The following GALNT13 variants were observed in gnomAD, a reference collection of about 807,000 sequenced individuals.
GALNT13 encodes UDP-GalNAc:polypeptide N-acetylgalactosaminyltransferase 13.
In GALNT13, 28 loss-of-function variants were observed where a neutral mutation model predicts 64.2. The observed-to-expected ratio is 0.44, with a 90% CI of 0.32 to 0.60. GALNT13 has a LOEUF of 0.60. Ranked by LOEUF, GALNT13 falls within the 20% of genes least tolerant of loss-of-function variation. The pLI is 0.05. For missense variants in GALNT13, 577 were observed against 669.8 expected, an observed-to-expected ratio of 0.86 and a Z score of 1.53; for synonymous variants, 214 against 224.6, an observed-to-expected ratio of 0.95 and a Z score of 0.42.
intron 9 of GALNT13, among the ~76,000 whole-genome samples, chr2:154,367,539 A>C (rs182709078): frequency 1.3e-5 from 2 of 152,130 alleles, no homozygotes; most frequent in Non-Finnish European, 2.9e-5. Context: ...TTGTTTTTTT[A>C]ATATTATGTA....
chr2:153,095,746 A>T, the GALNT13 span, among the ~76,000 whole-genome samples: 2 of 152,290 alleles, frequency 1.3e-5, no homozygotes, highest in Admixed American at 1.3e-4. Context: ...AGGGACCTGG[A>T]TGAAGCTGGA....
At chr2:154,110,336 TAGAGAG>T (rs1190684961) in intron 3 of GALNT13, among the ~76,000 whole-genome samples, 53 of 9,908 alleles carry the variant, frequency 5.3e-3, no homozygotes, top group African/African-American at 6.2e-3. Context: ...TATATATATA[TAGAGAG>T]AGAGAGAGAG....
At chr2:153,665,765 TTCTGCATGGAAC>T in the GALNT13 span, among the ~76,000 whole-genome samples, 1 of 152,084 alleles carries the variant, frequency 6.6e-6, no homozygotes, top group Non-Finnish European at 1.5e-5. Flanking sequence ...AGTGGCCTAC[TTCTGCATGGAAC>T]TCTGGAATCC....
chr2:154,225,105 T>TAGAC (rs758297747), intron 4 of GALNT13, among the ~76,000 whole-genome samples: 1 of 84,038 alleles, frequency 1.2e-5, no homozygotes, highest in African/African-American at 4.8e-5. Context: ...CATGGAGAGA[T>TAGAC]AGATAGATAG....
chr2:153,631,142 A>T, the GALNT13 span, among the ~76,000 whole-genome samples: 1 of 151,950 alleles, frequency 6.6e-6, no homozygotes, highest in Non-Finnish European at 1.5e-5. Flanking sequence ...ACATGAACTC[A>T]TCATTTTTTA....
chr2:153,531,927 G>A, the GALNT13 span, among the ~76,000 whole-genome samples: 9 of 152,104 alleles, frequency 5.9e-5, no homozygotes, highest in Non-Finnish European at 1.3e-4. Context: ...GTGGGCTCAC[G>A]AGGCCTTCAG....
At chr2:153,529,687 T>C in the GALNT13 span, among the ~76,000 whole-genome samples, 84 of 151,936 alleles carry the variant, frequency 5.5e-4, no homozygotes, top group East Asian at 0.015. Flanking sequence ...TTCAACGGTA[T>C]GTGGAAAACA....
intron 3 of GALNT13, among the ~76,000 whole-genome samples, chr2:154,089,640 G>C (rs991099332): frequency 3.9e-5 from 6 of 151,964 alleles, no homozygotes; most frequent in East Asian, 1.9e-4. Context: ...ATTGTTCTTG[G>C]CTGCACCCAT....
chr2:153,998,897 C>A (rs1182393335), intron 3 of GALNT13, among the ~76,000 whole-genome samples: 1 of 151,628 alleles, frequency 6.6e-6, no homozygotes, highest in Non-Finnish European at 1.5e-5. Context: ...AAATAGGGAA[C>A]CCTTAACACA....
intron 9 of GALNT13, among the ~76,000 whole-genome samples, chr2:154,344,532 A>G (rs1228371934): frequency 6.6e-6 from 1 of 152,072 alleles, no homozygotes; most frequent in African/African-American, 2.4e-5. Context: ...AATCTTTGCA[A>G]AAGACCCTGT....
the GALNT13 span, among the ~76,000 whole-genome samples, chr2:153,595,133 T>C: frequency 6.6e-6 from 1 of 152,074 alleles, no homozygotes; most frequent in African/African-American, 2.4e-5. Context: ...AAATGTACTT[T>C]TTTTGTAGTA....
At chr2:153,742,355 G>GTA in the GALNT13 span, among the ~76,000 whole-genome samples, 221 of 151,936 alleles carry the variant, frequency 1.5e-3, no homozygotes, top group Admixed American at 3.3e-3. Flanking sequence ...ACTTCATTGT[G>GTA]TATATATATA....
At chr2:153,535,909 A>C in the GALNT13 span, among the ~76,000 whole-genome samples, 3,555 of 152,216 alleles carry the variant, frequency 0.023, 137 homozygotes, top group African/African-American at 0.082. Context: ...ACAGAAGGGA[A>C]GAAATGACTG....
chr2:154,027,650 T>C (rs1698066218), intron 3 of GALNT13, among the ~76,000 whole-genome samples: 1 of 152,104 alleles, frequency 6.6e-6, no homozygotes, highest in Non-Finnish European at 1.5e-5. Flanking sequence ...AAAAGTTATT[T>C]TCAGAAGGAA....
At chr2:153,825,618 G>GTGTA in the GALNT13 span, among the ~76,000 whole-genome samples, 1 of 149,790 alleles carries the variant, frequency 6.7e-6, no homozygotes, top group Non-Finnish European at 1.5e-5. Flanking sequence ...CTGTGTGTGT[G>GTGTA]TGTGTGTGTG....
At chr2:154,307,560 A>C (rs916955559) in intron 9 of GALNT13, among the ~76,000 whole-genome samples, 1 of 152,122 alleles carries the variant, frequency 6.6e-6, no homozygotes, top group Admixed American at 6.6e-5. Context: ...TTCTAAATAG[A>C]TGTGTAAATA....
chr2:153,497,156 A>C, the GALNT13 span, among the ~76,000 whole-genome samples: 2 of 152,170 alleles, frequency 1.3e-5, no homozygotes, highest in South Asian at 2.1e-4. Flanking sequence ...TAATAGCCAA[A>C]ATTTTTTTCA....
At chr2:153,868,355 G>C (rs1558823705), upstream of GALNT13, among the ~76,000 whole-genome samples, 1 of 152,032 alleles carries the variant, frequency 6.6e-6, no homozygotes. Context: ...GTTCTTATAG[G>C]GCATGTTAGA....
chr2:153,401,154 T>A, the GALNT13 span, among the ~76,000 whole-genome samples: 1 of 152,194 alleles, frequency 6.6e-6, no homozygotes, highest in Non-Finnish European at 1.5e-5. Flanking sequence ...TCAAAGAATA[T>A]CTTTATTTCT....
Sources: allele counts gnomAD v4.1 joint callset (sites outside exome capture counted in the v4.1 genomes callset), GRCh38; gene constraint gnomAD v4.1.1; transcripts MANE v1.5; gene names NCBI Gene and HGNC (gene_info 2026-07-23, HGNC 2026-07-21).